PPP2R5E: variants seen among roughly 807,000 people sequenced by gnomAD.
PPP2R5E encodes the protein serine/threonine-protein phosphatase 2A 56 kDa regulatory subunit epsilon isoform.
In PPP2R5E, 4 loss-of-function variants were observed where a neutral mutation model predicts 65.3. The ratio of observed to expected loss-of-function variants is 0.06; its 90% CI spans 0.03 to 0.14. The LOEUF (loss-of-function observed/expected upper bound fraction) is 0.14. Ranked by LOEUF, PPP2R5E falls within the 10% of genes least tolerant of loss-of-function variation. The pLI is 1.00. For synonymous variants in PPP2R5E, 183 were observed against 187.4 expected, an observed-to-expected ratio of 0.98 and a Z score of 0.19; for missense variants, 274 against 556.1, an observed-to-expected ratio of 0.49 and a Z score of 5.10.
At position 63,453,747 on chromosome 14, in the gene PPP2R5E, T is replaced by C. The variant is rs1274479082; in HGVS notation, c.296A>G (p.Tyr99Cys). ...KRSTLNELVD[Y>C]ITISRGCLTE... Reference sequence around the variant, plus strand: ...CAAACAGCCTCTGCTTATTGTAATGTAGTCCACCAGTTCATTAAGAGTGGA... The same window carrying C: ...CAAACAGCCTCTGCTTATTGTAATGCAGTCCACCAGTTCATTAAGAGTGGA... The change falls in exon 3 of 14, where the codon TAC becomes TGC. Residue 99 changes from tyrosine to cysteine, a missense_variant. Tyr to Cys is a radical substitution (Grantham distance 194). This residue lies in a region of PPP2R5E where 51 missense variants were observed against 101.1 expected (regional missense o/e 0.50). Transcript: ENST00000337537. 6.2e-7 allele frequency: 1 copy of C among 1,613,746 alleles called. No homozygotes were observed. Among genetic ancestry groups the C allele is most frequent in the East Asian group, 2.2e-5 (1 of 44,884 alleles).
rs147240204 is a variant in PPP2R5E at position 63,425,106 on chromosome 14, C to T, written c.355-3012G>A. Among the ~76,000 whole-genome samples, 856 of 152,106 alleles carry T rather than the reference C, an allele frequency of 5.6e-3. 6 individuals carry two copies. The highest frequency in any genetic ancestry group is 0.02 in the African/African-American group (824 of 41,504). On this transcript the variant is annotated intron_variant, in intron 3 of 13. Transcript: ENST00000337537. Reference sequence around the variant, plus strand: ...TAACTGGACCCAGGCTGTCAGGATCCCCAGTGTTCTTTCTAGAAGAAAAGG... The same window carrying T: ...TAACTGGACCCAGGCTGTCAGGATCTCCAGTGTTCTTTCTAGAAGAAAAGG...
At chr14:63,509,036 T>C (rs1352614644) in intron 2 of PPP2R5E, among the ~76,000 whole-genome samples, 4 of 152,202 alleles carry the variant, frequency 2.6e-5, no homozygotes, top group Non-Finnish European at 5.9e-5. Context: ...CTTTTTCAAA[T>C]CAAAGGTTTC....
At chr14:63,391,794 A>G (rs1885039859) in intron 10 of PPP2R5E, 23 bp downstream of exon 10, 2 of 1,606,810 alleles carry the variant, frequency 1.2e-6, no homozygotes, top group Non-Finnish European at 1.7e-6. Context: ...AGCTATGAAC[A>G]CTCTCTGACA....
intron 5 of PPP2R5E, among the ~76,000 whole-genome samples, chr14:63,409,140 G>A (rs935874926): frequency 6.6e-6 from 1 of 152,184 alleles, no homozygotes; most frequent in African/African-American, 2.4e-5. Flanking sequence ...GGCCGAGGCA[G>A]GAGAATTGCT....
At chr14:63,377,342 G>A (rs1167752318) in intron 13 of PPP2R5E, among the ~76,000 whole-genome samples, 1 of 152,120 alleles carries the variant, frequency 6.6e-6, no homozygotes, top group Non-Finnish European at 1.5e-5. Context: ...TGGGTTGAGT[G>A]AAATTTGTAT....
intron 2 of PPP2R5E, among the ~76,000 whole-genome samples, chr14:63,463,614 T>G (rs1889616624): frequency 6.6e-6 from 1 of 151,440 alleles, no homozygotes; most frequent in Non-Finnish European, 1.5e-5. Flanking sequence ...TTTTTTTTTT[T>G]GATACGGAGT....
intron 2 of PPP2R5E, among the ~76,000 whole-genome samples, chr14:63,489,777 C>T (rs1156913413): frequency 1.3e-5 from 2 of 148,776 alleles, no homozygotes; most frequent in Non-Finnish European, 3.0e-5. Flanking sequence ...ACGTTTCTAT[C>T]ATGGTATGTC....
intron 3 of PPP2R5E, among the ~76,000 whole-genome samples, chr14:63,448,899 A>T (rs957619853): frequency 6.6e-6 from 1 of 152,114 alleles, no homozygotes; most frequent in Non-Finnish European, 1.5e-5. Context: ...CTAATTCTAG[A>T]AGTCTGTAGG....
intron 2 of PPP2R5E, among the ~76,000 whole-genome samples, chr14:63,536,247 G>A (rs984143543): frequency 2.0e-5 from 3 of 152,122 alleles, no homozygotes; most frequent in African/African-American, 7.2e-5. Flanking sequence ...TGAGAAAAAG[G>A]ATACAGAAAT....
intron 2 of PPP2R5E, among the ~76,000 whole-genome samples, chr14:63,505,391 C>T (rs1039866386): frequency 6.6e-6 from 1 of 152,156 alleles, no homozygotes; most frequent in Non-Finnish European, 1.5e-5. Context: ...GATAATTAAC[C>T]TTGGTAATGA....
chr14:63,501,371 C>G (rs549103188), intron 2 of PPP2R5E, among the ~76,000 whole-genome samples: 1 of 149,110 alleles, frequency 6.7e-6, no homozygotes, highest in East Asian at 2.0e-4. Flanking sequence ...TGCCACTGCA[C>G]TCCAGCCTGG....
chr14:63,423,594 A>G (rs373659722), intron 3 of PPP2R5E, among the ~76,000 whole-genome samples: 1 of 152,226 alleles, frequency 6.6e-6, no homozygotes, highest in Non-Finnish European at 1.5e-5. Context: ...GAAGGGAAAA[A>G]GAAAGGAGAT....
intron 3 of PPP2R5E, among the ~76,000 whole-genome samples, chr14:63,441,555 AT>A (rs1300743262): frequency 2.0e-5 from 3 of 152,334 alleles, no homozygotes; most frequent in African/African-American, 7.2e-5. Flanking sequence ...CGCTTAAACC[AT>A]TTTTGAGTCA....
intron 3 of PPP2R5E, among the ~76,000 whole-genome samples, chr14:63,444,218 T>A (rs754820543): frequency 6.6e-6 from 1 of 152,244 alleles, no homozygotes; most frequent in African/African-American, 2.4e-5. Flanking sequence ...TCCCTGTATA[T>A]AACATGTGGT....
At chr14:63,431,568 T>C (rs1209395939) in intron 3 of PPP2R5E, among the ~76,000 whole-genome samples, 1 of 152,194 alleles carries the variant, frequency 6.6e-6, no homozygotes, top group African/African-American at 2.4e-5. Flanking sequence ...TCTGAAATAC[T>C]GTAACAAGTA....
At chr14:63,512,611 C>A (rs1892509824) in intron 2 of PPP2R5E, among the ~76,000 whole-genome samples, 1 of 152,132 alleles carries the variant, frequency 6.6e-6, no homozygotes, top group African/African-American at 2.4e-5. Context: ...AAAACTTCCA[C>A]TCCTATTCCC....
intron 4 of PPP2R5E, among the ~76,000 whole-genome samples, chr14:63,416,073 G>T (rs17824967): frequency 0.06 from 9,205 of 152,270 alleles, 666 homozygotes; most frequent in African/African-American, 0.17. Flanking sequence ...CTGATAAACA[G>T]TGGGGAATCA....
At chr14:63,398,635 C>T (rs10131511) in intron 5 of PPP2R5E, among the ~76,000 whole-genome samples, 16,450 of 152,046 alleles carry the variant, frequency 0.11, 1,106 homozygotes, top group East Asian at 0.25. Context: ...ACTAAAAATA[C>T]AAAAATTAGC....
chr14:63,500,505 T>C (rs1477299893), intron 2 of PPP2R5E, among the ~76,000 whole-genome samples: 1 of 152,210 alleles, frequency 6.6e-6, no homozygotes, highest in Non-Finnish European at 1.5e-5. Context: ...GTTACATACT[T>C]GTATGGTTAA....
Sources: gnomAD v4.1 joint callset for allele counts (sites outside exome capture counted in the v4.1 genomes callset) on GRCh38, gnomAD v4.1.1 for gene constraint, gnomAD v4.1.1 regional missense constraint, MANE v1.5 for transcripts, NCBI Gene and HGNC (gene_info 2026-07-23, HGNC 2026-07-21) for gene names.